COL24A1: variants seen among roughly 807,000 people sequenced by gnomAD.
COL24A1 encodes collagen type XXIV alpha 1 chain.
In COL24A1, 224 loss-of-function variants were observed where a neutral mutation model predicts 253.9. The ratio of observed to expected loss-of-function variants is 0.88; its 90% CI spans 0.79 to 0.99. COL24A1 has a LOEUF of 0.99. Ranked by LOEUF, COL24A1 falls within the 50% of genes least tolerant of loss-of-function variation. The probability of loss-of-function intolerance (pLI) is 0.00; values close to 1 mark genes in which losing one functional copy is unlikely to be tolerated. For missense variants in COL24A1, 2,131 were observed against 2,068.5 expected, an observed-to-expected ratio of 1.03 and a Z score of -0.59; for synonymous variants, 685 against 673.7, an observed-to-expected ratio of 1.02 and a Z score of -0.26.
intron 37 of COL24A1, among the ~76,000 whole-genome samples, chr1:85,864,831 A>G (rs992660441): frequency 6.6e-6 from 1 of 152,222 alleles, no homozygotes; most frequent in African/African-American, 2.4e-5. Flanking sequence ...TCATTTTAAT[A>G]CATCCAACTT....
intron 43 of COL24A1, among the ~76,000 whole-genome samples, chr1:85,833,422 T>G (rs1206103689): frequency 6.6e-6 from 1 of 152,100 alleles, no homozygotes; most frequent in East Asian, 1.9e-4. Context: ...TGAGATACCA[T>G]CTCACACCAG....
chr1:86,057,039 G>T (rs926327315), intron 10 of COL24A1, among the ~76,000 whole-genome samples: 1 of 151,830 alleles, frequency 6.6e-6, no homozygotes, highest in Non-Finnish European at 1.5e-5. Flanking sequence ...CCTCCAAATC[G>T]CATGTTAAAA....
intron 6 of COL24A1, among the ~76,000 whole-genome samples, chr1:86,091,942 A>G (rs534734026): frequency 6.6e-6 from 1 of 152,244 alleles, no homozygotes; most frequent in South Asian, 2.1e-4. Context: ...TATTGTGTAC[A>G]TATGTATTAA....
At chr1:86,044,913 C>T (rs552742388) in intron 12 of COL24A1, among the ~76,000 whole-genome samples, 1 of 152,262 alleles carries the variant, frequency 6.6e-6, no homozygotes, top group Non-Finnish European at 1.5e-5. Context: ...ACTCAATTTG[C>T]TCATCAATGT....
At chr1:85,846,347 A>G (rs1362121157) in intron 39 of COL24A1, among the ~76,000 whole-genome samples, 7 of 151,888 alleles carry the variant, frequency 4.6e-5, no homozygotes. Context: ...AGGCATTTCT[A>G]ATAAAATAAA....
chr1:85,844,670 G>GA (rs1278338654), intron 39 of COL24A1, among the ~76,000 whole-genome samples: 4 of 150,672 alleles, frequency 2.7e-5, no homozygotes, highest in South Asian at 2.1e-4. Context: ...ATAACCAAAG[G>GA]AAAAAAAATT....
chr1:86,090,006 G>A (rs1703374149), intron 6 of COL24A1, among the ~76,000 whole-genome samples: 1 of 152,158 alleles, frequency 6.6e-6, no homozygotes, highest in Non-Finnish European at 1.5e-5. Context: ...CGCACAGGAG[G>A]CACTTCCGCT....
intron 2 of COL24A1, among the ~76,000 whole-genome samples, chr1:86,136,383 G>T (rs1405603538): frequency 6.6e-6 from 1 of 151,948 alleles, no homozygotes; most frequent in East Asian, 1.9e-4. Flanking sequence ...ATTCCATATG[G>T]CATCTGCTTT....
chr1:86,005,862 C>T (rs1202615566), intron 19 of COL24A1, among the ~76,000 whole-genome samples: 1 of 152,070 alleles, frequency 6.6e-6, no homozygotes, highest in Non-Finnish European at 1.5e-5. Context: ...GCAGTTATAG[C>T]AAGGTTGTAG....
Position 85,962,923 on chromosome 1 carries a change from G to C in COL24A1, c.2518-1630C>G, listed in dbSNP as rs150767077. Among the ~76,000 whole-genome samples, 1,027 of 152,036 alleles carry C rather than the reference G, an allele frequency of 6.8e-3. 15 individuals are homozygous for C. The highest frequency in any genetic ancestry group is 0.023 in the African/African-American group (970 of 41,472). On this transcript the variant is annotated intron_variant, in intron 23 of 59. Transcript: ENST00000370571. The stretch of plus-strand genomic sequence containing the variant: ...TGGTCTGAATTGAAATGTGATGTAA[G>C]TATAAAAAATACATCAGACTTCAAA...
chr1:85,774,708 G>A (rs1261200098), intron 53 of COL24A1, among the ~76,000 whole-genome samples: 1 of 152,102 alleles, frequency 6.6e-6, no homozygotes, highest in East Asian at 1.9e-4. Context: ...CTGTGGGATT[G>A]GTGGTGATAT....
At chr1:85,948,120 G>A (rs988272050) in intron 24 of COL24A1, among the ~76,000 whole-genome samples, 3 of 152,136 alleles carry the variant, frequency 2.0e-5, no homozygotes, top group African/African-American at 7.2e-5. Context: ...GATAGATCAA[G>A]TCTCAACTTT....
chr1:86,060,937 T>C (rs1233297078), intron 8 of COL24A1, among the ~76,000 whole-genome samples: 1 of 151,962 alleles, frequency 6.6e-6, no homozygotes, highest in Non-Finnish European at 1.5e-5. Flanking sequence ...ATTGAGCACT[T>C]ATCATGGGCC....
chr1:85,994,410 TG>T (rs944698350), intron 19 of COL24A1, among the ~76,000 whole-genome samples: 2 of 83,898 alleles, frequency 2.4e-5, no homozygotes, highest in African/African-American at 8.1e-5. Flanking sequence ...AAAGTTATCC[TG>T]AAAAAAAAAA....
At chr1:85,759,736 G>C (rs1333139593) in intron 55 of COL24A1, among the ~76,000 whole-genome samples, 6 of 152,258 alleles carry the variant, frequency 3.9e-5, no homozygotes, top group South Asian at 2.1e-4. Flanking sequence ...ATTTTGCTCT[G>C]AGCAAAAACC....
chr1:85,911,299 A>T, intron 25 of COL24A1, 81 bp downstream of exon 25: 2 of 1,079,098 alleles, frequency 1.9e-6, no homozygotes, highest in South Asian at 2.6e-5. Context: ...TCTAATTAAC[A>T]TAAAAGATCA....
chr1:85,923,454 A>T (rs1686779966), intron 24 of COL24A1, among the ~76,000 whole-genome samples: 1 of 152,206 alleles, frequency 6.6e-6, no homozygotes, highest in Admixed American at 6.5e-5. Flanking sequence ...AAAGAACAGA[A>T]ATCACAATAA....
At chr1:85,767,084 AC>A (rs1380139550) in intron 53 of COL24A1, among the ~76,000 whole-genome samples, 10 of 146,816 alleles carry the variant, frequency 6.8e-5, no homozygotes, top group African/African-American at 2.5e-4. Flanking sequence ...AGCCTGGGTG[AC>A]AGAGTGAGAC....
At chr1:86,025,857 CT>C (rs1697981421) in intron 14 of COL24A1, among the ~76,000 whole-genome samples, 2 of 152,128 alleles carry the variant, frequency 1.3e-5, no homozygotes, top group African/African-American at 2.4e-5. Flanking sequence ...CTAAAGAAAG[CT>C]TTTCCCCCTT....
Sources: allele counts gnomAD v4.1 joint callset (sites outside exome capture counted in the v4.1 genomes callset), GRCh38; gene constraint gnomAD v4.1.1; transcripts MANE v1.5; gene names NCBI Gene and HGNC (gene_info 2026-07-23, HGNC 2026-07-21).